The following C2CD3 variants were observed in gnomAD, a reference collection of about 807,000 sequenced individuals.
C2CD3 encodes the protein C2 domain-containing protein 3.
C2CD3 carries 148 observed loss-of-function variants against 234.0 expected under a neutral mutation model. That is an observed-to-expected ratio of 0.63 (90% CI 0.55 to 0.72). The LOEUF is 0.72. Ranked by LOEUF, C2CD3 falls within the 30% of genes least tolerant of loss-of-function variation. The pLI is 0.00. For missense variants in C2CD3, 2,577 were observed against 2,811.5 expected (o/e 0.92, Z 1.89); for synonymous variants, 1,000 against 1,035.4 (o/e 0.97, Z 0.66).
At chr11:74,088,344 G>A (rs1209043288) in intron 20 of C2CD3, among the ~76,000 whole-genome samples, 1 of 152,338 alleles carries the variant, frequency 6.6e-6, no homozygotes, top group Admixed American at 6.5e-5. Context: ...ATCATACACA[G>A]CTAGTAGGAG....
In C2CD3 at chr11:74,033,492, T is replaced by C. The variant is rs1367667186; in HGVS notation, c.6668A>G (p.Asp2223Gly). The change falls in exon 31 of 33, where the codon GAT becomes GGT. Residue 2223 changes from aspartate (D) to glycine (G), a missense_variant. Physicochemically the swap from Asp to Gly is moderately conservative, Grantham distance 94 (BLOSUM62 -1). Coordinates refer to ENST00000334126, the MANE Select transcript of C2CD3 (RefSeq NM_001286577.2). ...ATTTAGCGGCAACTTCTTGAAGCTA[T>C]CAGCAGAGTCACCGAGCTCACTGGT... ...AATSELGDSA[D>G]SFKKLPLNLA... 2.0e-6 allele frequency: 3 copies of C among 1,536,180 alleles called. No individual in the cohort carries two copies. The highest frequency in any genetic ancestry group is 3.9e-5 in the Admixed American group (2 of 50,992).
In C2CD3 at chr11:74,103,249, T is replaced by G. The variant is rs1192626117; in HGVS notation, c.2462A>C (p.Glu821Ala). 3 of 1,614,054 alleles carry G rather than the reference T, an allele frequency of 1.9e-6. No individual in the cohort carries two copies. The highest frequency in any genetic ancestry group is 2.5e-6 in the Non-Finnish European group (3 of 1,180,026). Residue 821 changes from glutamate to alanine, a missense_variant, in exon 14 of 33, where the codon GAA becomes GCA. Coordinates refer to ENST00000334126, the MANE Select transcript of C2CD3 (RefSeq NM_001286577.2). ...ATTGCATGGTGATTGTTTCTCAGAT[T>G]CTCCACTAATAAAATCTTTCCCATC... ...VPDGKDFISG[E>A]SEKQSPCNVY...
intron 22 of C2CD3, among the ~76,000 whole-genome samples, chr11:74,080,009 G>A (rs773251840): frequency 2.0e-5 from 3 of 152,112 alleles, no homozygotes; most frequent in Non-Finnish European, 4.4e-5. Flanking sequence ...AAATTAATGG[G>A]CACAGTGTGT....
At position 74,088,302 on chromosome 11, in the gene C2CD3, G is replaced by A. The variant is rs143333455; in HGVS notation, c.3642-2416C>T. Among the ~76,000 whole-genome samples, 21 of 152,262 alleles carry A rather than the reference G, an allele frequency of 1.4e-4. No homozygotes were observed. The South Asian group carries it at 4.1e-3, about 30-fold the overall frequency. ...AATTTCCATTTCAGATGAAGAAACCGAAGCTCATGGAAGTAAAGAAATCAG... is the reference window on the plus strand; with the variant it reads ...AATTTCCATTTCAGATGAAGAAACCAAAGCTCATGGAAGTAAAGAAATCAG... On this transcript the variant is annotated intron_variant, in intron 20 of 32. Transcript: ENST00000334126.
At position 74,170,565 on chromosome 11, in the gene C2CD3, C is replaced by G. The variant is rs374814436; in HGVS notation, c.55+173G>C. ...GTGGCCCCTACCCCAGCCCCTAATT[C>G]CTTTCTATTCTCTGGAGGGCCAATT... On this transcript the variant is annotated intron_variant, in intron 1 of 32. Transcript: ENST00000334126. Among the ~76,000 whole-genome samples, 41 of 152,194 alleles carry G rather than the reference C, an allele frequency of 2.7e-4. No homozygotes were observed. The South Asian group carries it at 8.5e-3, about 31-fold the overall frequency.
chr11:74,078,148 C>T lies in C2CD3; in HGVS notation c.4570G>A (p.Gly1524Arg). 1 of 1,613,880 alleles carries T rather than the reference C, an allele frequency of 6.2e-7. No individual in the cohort carries two copies. Among genetic ancestry groups the T allele is most frequent in the Non-Finnish European group, 8.5e-7 (1 of 1,179,960 alleles). ...GSAYVDLARL[G>R]ERSARTLTVS... ...GTTAGCGTCCTCGCTGACCTCTCCC[C>T]AAGTCTGGCCAGGTCCACATAGGCT... The change falls in exon 23 of 33, where the codon GGG becomes AGG. Residue 1524 changes from glycine (G) to arginine (R), a missense_variant. Physicochemically the swap from Gly to Arg is moderately radical, Grantham distance 125. Coordinates refer to ENST00000334126, the MANE Select transcript of C2CD3 (RefSeq NM_001286577.2).
intron 3 of C2CD3, among the ~76,000 whole-genome samples, chr11:74,150,525 A>AAAAAAAAAAAAT (rs1855562882): frequency 1.7e-5 from 1 of 58,184 alleles, no homozygotes; most frequent in Non-Finnish European, 3.4e-5. Context: ...ACAAAAAAAA[A>AAAAAAAAAAAAT]ACAAAACAAA....
At chr11:74,054,482 T>C (rs1953864190) in intron 26 of C2CD3, 125 bp downstream of exon 26, 1 of 572,068 alleles carries the variant, frequency 1.7e-6, no homozygotes, top group East Asian at 2.9e-5. Flanking sequence ...TTCCCAGCAC[T>C]GTCGGGAATG....
At chr11:74,027,178 C>G (rs1365217486) in intron 32 of C2CD3, among the ~76,000 whole-genome samples, 1 of 152,048 alleles carries the variant, frequency 6.6e-6, no homozygotes, top group Non-Finnish European at 1.5e-5. Context: ...GCCATCTTAG[C>G]TTACTGCAAC....
At chr11:74,165,316 C>A (rs1565362583) in intron 2 of C2CD3, among the ~76,000 whole-genome samples, 1 of 152,102 alleles carries the variant, frequency 6.6e-6, no homozygotes, top group African/African-American at 2.4e-5. Flanking sequence ...ATATATTTCA[C>A]TCATTTGTAA....
At position 74,109,110 on chromosome 11, in the gene C2CD3, C is replaced by T; in HGVS notation, c.1886G>A (p.Gly629Asp). The T allele has an allele frequency of 1.3e-6, 2 of 1,599,422 alleles. No individual in the cohort carries two copies. Among genetic ancestry groups the T allele is most frequent in the Non-Finnish European group, 8.5e-7 (1 of 1,174,374 alleles). Residue 629 changes from glycine (G) to aspartate (D), a missense_variant, in exon 12 of 33, where the codon GGT becomes GAT. Gly to Asp is a moderately conservative substitution (Grantham distance 94). Transcript: ENST00000334126. Reference protein sequence around the residue: ...QQRFVFPVQFGGPMIEHWWNS... With the variant: ...QQRFVFPVQFDGPMIEHWWNS... ...CCACCAGTGCTCTATCATTGGGCCA[C>T]CAAACTGTACTGGAAACACAAATCG...
intron 7 of C2CD3, among the ~76,000 whole-genome samples, chr11:74,131,604 T>C (rs1417940914): frequency 6.6e-6 from 1 of 151,320 alleles, no homozygotes; most frequent in African/African-American, 2.4e-5. Context: ...TTTTTTGAGA[T>C]GGAGTCTTAC....
At chr11:74,100,776 T>C (rs1246126302) in intron 14 of C2CD3, 100 bp from the exon 15 acceptor site, 1 of 981,692 alleles carries the variant, frequency 1.0e-6, no homozygotes, top group African/African-American at 1.7e-5. Context: ...AGCCTATTGT[T>C]AACACACAGT....
At chr11:74,161,929 T>C (rs2135570826) in intron 2 of C2CD3, among the ~76,000 whole-genome samples, 1 of 149,056 alleles carries the variant, frequency 6.7e-6, no homozygotes, top group Admixed American at 6.7e-5. Flanking sequence ...GATTCTCCCA[T>C]CCTAGCCTCA....
intron 19 of C2CD3, 38 bp downstream of exon 19, chr11:74,092,378 T>C: frequency 1.9e-6 from 3 of 1,576,922 alleles, no homozygotes; most frequent in Non-Finnish European, 2.6e-6. Flanking sequence ...TTATGTATAC[T>C]GATTTTGAAA....
Position 74,073,725 on chromosome 11 carries a change from T to C in C2CD3, c.4951+528A>G, listed in dbSNP as rs575987657. 4.2e-4 allele frequency among the ~76,000 whole-genome samples: 64 copies of C among 152,346 alleles called. No homozygotes were observed. The South Asian group carries it at 0.013, about 31-fold the overall frequency. On this transcript the variant is annotated intron_variant, in intron 24 of 32. Coordinates refer to ENST00000334126, the MANE Select transcript of C2CD3 (RefSeq NM_001286577.2). ...ATGGAAATACCTGTGATTTCTATTG[T>C]TGACAATATCACAGGTACTATTACT...
At chr11:74,042,885 G>A (rs187793221) in intron 28 of C2CD3, among the ~76,000 whole-genome samples, 31 of 152,122 alleles carry the variant, frequency 2.0e-4, no homozygotes, top group Admixed American at 7.2e-4. Flanking sequence ...CATATATTAC[G>A]CCATGTGATT....
chr11:74,078,813 C>T (rs2135466262), intron 22 of C2CD3, 96 bp from the exon 23 acceptor site: 1 of 1,180,872 alleles, frequency 8.5e-7, no homozygotes, highest in Admixed American at 2.8e-5. Flanking sequence ...ATCATCCTGG[C>T]TCAAGACAGA....
intron 2 of C2CD3, among the ~76,000 whole-genome samples, chr11:74,163,749 T>C (rs2367227): frequency 1.3e-5 from 2 of 152,198 alleles, no homozygotes; most frequent in African/African-American, 4.8e-5. Flanking sequence ...TATGTCTTTA[T>C]AGCAGCATGA....
Sources: gnomAD v4.1 joint callset for allele counts (sites outside exome capture counted in the v4.1 genomes callset) on GRCh38, gnomAD v4.1.1 for gene constraint, MANE v1.5 for transcripts, NCBI Gene and HGNC (gene_info 2026-07-23, HGNC 2026-07-21) for gene names.